Variants in FLT4 observed in about 807,000 individuals in gnomAD.
The protein encoded by FLT4 is vascular endothelial growth factor receptor 3.
Under a neutral mutation model 163.2 loss-of-function variants are expected in FLT4, and 30 were observed. The observed-to-expected ratio is 0.18, with a 90% CI of 0.14 to 0.25. FLT4 has a LOEUF of 0.25. Ranked by LOEUF, FLT4 falls within the 10% of genes least tolerant of loss-of-function variation. FLT4 has a pLI of 1.00. For synonymous variants in FLT4, 884 were observed against 789.5 expected (o/e 1.12, Z -2.01); for missense variants, 1,510 against 1,863.8 (o/e 0.81, Z 3.50).
At chr5:180,627,929 G>T (rs1449398311) in intron 8 of FLT4, among the ~76,000 whole-genome samples, 2 of 152,142 alleles carry the variant, frequency 1.3e-5, no homozygotes, top group African/African-American at 4.8e-5. Flanking sequence ...CAGTGGGAGG[G>T]TCACACTGGG....
At chr5:180,625,292 C>A (rs561735232) in intron 10 of FLT4, among the ~76,000 whole-genome samples, 10 of 152,250 alleles carry the variant, frequency 6.6e-5, no homozygotes, top group African/African-American at 2.4e-4. Context: ...GCTGGCATCC[C>A]GCTCAGTGGA....
At chr5:180,637,416 A>G (rs1224496657) in intron 1 of FLT4, among the ~76,000 whole-genome samples, 1 of 151,890 alleles carries the variant, frequency 6.6e-6, no homozygotes, top group Non-Finnish European at 1.5e-5. Context: ...GGGCCTCAGA[A>G]ATCCTCTGAC....
chr5:180,642,480 T>C (rs1406757209), intron 1 of FLT4, among the ~76,000 whole-genome samples: 1 of 151,626 alleles, frequency 6.6e-6, no homozygotes, highest in Non-Finnish European at 1.5e-5. Context: ...AGATGGAGCA[T>C]GGTAAAGGTG....
rs307832 is a variant in FLT4 at position 180,608,792 on chromosome 5, C to T, written c.3893+176G>A. On this transcript the variant is annotated intron_variant, in intron 29 of 29. Transcript: ENST00000261937. ...CCAGCATGTGACAGGGAGGGGCTCCCGCGGTGCTGTAGGTCAGGAGGGGTC... is the reference window on the plus strand; with the variant it reads ...CCAGCATGTGACAGGGAGGGGCTCCTGCGGTGCTGTAGGTCAGGAGGGGTC... Among the ~76,000 whole-genome samples, 9,736 of 152,188 alleles carry T rather than the reference C, an allele frequency of 0.064. 399 individuals are homozygous for T. Among genetic ancestry groups the T allele is most frequent in the Non-Finnish European group, 0.089 (6,037 of 67,998 alleles).
intron 27 of FLT4, 112 bp downstream of exon 27, chr5:180,611,219 C>A: frequency 7.7e-7 from 1 of 1,303,270 alleles, no homozygotes; most frequent in Non-Finnish European, 1.1e-6. Context: ...TTTGTGCACA[C>A]TGGCCTCTGA....
At chr5:180,617,055 C>T in intron 21 of FLT4, 61 bp from the exon 22 acceptor site, 2 of 1,208,572 alleles carry the variant, frequency 1.7e-6, no homozygotes, top group East Asian at 2.3e-5. Flanking sequence ...ATCTACCCAG[C>T]CCCAGGGAAC....
In FLT4 at chr5:180,630,181, G is replaced by A; in HGVS notation, c.513+44C>T. 1 of 1,604,916 alleles carries A rather than the reference G, an allele frequency of 6.2e-7. No homozygotes were observed. Among genetic ancestry groups the A allele is most frequent in the Admixed American group, 1.7e-5 (1 of 59,958 alleles). Reference sequence around the variant, plus strand: ...AGACAGGCGGCCGCCTTTCCCAGGGGTGGGATGGGAGGGTCGGATGCTGGG... The same window carrying A: ...AGACAGGCGGCCGCCTTTCCCAGGGATGGGATGGGAGGGTCGGATGCTGGG... On this transcript the variant is annotated intron_variant, in intron 4 of 29. Transcript: ENST00000261937. This position sits in a 1 kb window ranked among gnomAD's most constrained non-coding sequence, Gnocchi z 6.3.
At chr5:180,622,950 A>C (rs1763282479) in intron 11 of FLT4, 111 bp from the exon 12 acceptor site, 4 of 761,896 alleles carry the variant, frequency 5.3e-6, no homozygotes, top group South Asian at 4.4e-5. Flanking sequence ...CATGGGGGAA[A>C]CTGAGGCTTT....
intron 20 of FLT4, 44 bp downstream of exon 20, chr5:180,618,977 C>A: frequency 6.4e-7 from 1 of 1,553,372 alleles, no homozygotes; most frequent in East Asian, 2.4e-5. Flanking sequence ...AGAGGCGCCT[C>A]CATTCCCCCG....
At chr5:180,649,435 C>A in intron 1 of FLT4, 53 bp downstream of exon 1, 1 of 1,357,182 alleles carries the variant, frequency 7.4e-7, no homozygotes, top group South Asian at 1.4e-5. Context: ...TGCGCGGTAC[C>A]CCCTCCCCGG....
intron 29 of FLT4, among the ~76,000 whole-genome samples, chr5:180,606,899 A>AC (rs1761820053): frequency 5.9e-5 from 2 of 33,860 alleles, no homozygotes; most frequent in Non-Finnish European, 1.1e-4. Flanking sequence ...CTACTAAAAA[A>AC]AAAAAAAAAA....
intron 18 of FLT4, 125 bp downstream of exon 18, chr5:180,619,540 G>T: frequency 9.9e-7 from 1 of 1,010,346 alleles, no homozygotes; most frequent in Non-Finnish European, 1.6e-6. Context: ...CAGCCTCCCT[G>T]TAGAATCTCG....
Position 180,629,168 on chromosome 5 carries a change from C to A in FLT4, c.985+91G>T, listed in dbSNP as rs1763886321. On this transcript the variant is annotated intron_variant, in intron 7 of 29. Coordinates refer to ENST00000261937, the MANE Select transcript of FLT4 (RefSeq NM_182925.5). ...GCTCCTCTGCTCGTGGCCCTCCCTTCCCTCTGGCTGGACTCCTGAGTGCTC... is the reference window on the plus strand; with the variant it reads ...GCTCCTCTGCTCGTGGCCCTCCCTTACCTCTGGCTGGACTCCTGAGTGCTC... 2.6e-6 allele frequency: 4 copies of A among 1,546,232 alleles called. No homozygotes were observed. In the Admixed American group the frequency reaches 6.7e-5, roughly 26 times the overall value.
intron 1 of FLT4, among the ~76,000 whole-genome samples, chr5:180,649,130 C>A (rs13176898): frequency 0.37 from 56,727 of 151,434 alleles, 12,348 homozygotes; most frequent in East Asian, 0.6. Flanking sequence ...GGGGACCCCG[C>A]GGGGAAGCGA....
chr5:180,640,317 C>T (rs562330444), intron 1 of FLT4, among the ~76,000 whole-genome samples: 1 of 152,364 alleles, frequency 6.6e-6, no homozygotes, highest in South Asian at 2.1e-4. Context: ...CCAGGCCTCA[C>T]AGCAGCAGGT....
intron 10 of FLT4, among the ~76,000 whole-genome samples, chr5:180,624,392 AT>A (rs199541694): frequency 7.5e-4 from 114 of 151,058 alleles, no homozygotes; most frequent in African/African-American, 2.7e-3. Flanking sequence ...ACGCCTGGCT[AT>A]TTTTTTTGTA....
At chr5:180,606,775 T>G (rs1239009768) in intron 29 of FLT4, among the ~76,000 whole-genome samples, 1 of 152,140 alleles carries the variant, frequency 6.6e-6, no homozygotes, top group Non-Finnish European at 1.5e-5. Flanking sequence ...AGTCACCTGA[T>G]GAGCTGGGCG....
intron 13 of FLT4, 142 bp downstream of exon 13, chr5:180,621,400 G>T (rs1243082248): frequency 2.1e-6 from 3 of 1,415,864 alleles, no homozygotes; most frequent in Admixed American, 2.3e-5. Context: ...CTCCGCAGGG[G>T]GCGGCGGATA....
chr5:180,650,038 T>A (rs1286434066), upstream of FLT4, among the ~76,000 whole-genome samples: 4 of 150,156 alleles, frequency 2.7e-5, no homozygotes, highest in East Asian at 5.9e-4. Context: ...AATAAAATAA[T>A]ACGCCGAGCT....
Sources: allele counts gnomAD v4.1 joint callset (sites outside exome capture counted in the v4.1 genomes callset), GRCh38; gene constraint gnomAD v4.1.1; non-coding constraint Gnocchi (gnomAD v3.1); transcripts MANE v1.5; gene names NCBI Gene and HGNC (gene_info 2026-07-23, HGNC 2026-07-21).